TRAPPC9: variants seen among roughly 807,000 people sequenced by gnomAD.
The protein encoded by TRAPPC9 is trafficking protein particle complex subunit 9, also known as IKK2 binding protein.
TRAPPC9 carries 83 observed loss-of-function variants against 124.0 expected under a neutral mutation model. The observed-to-expected ratio is 0.67, with a 90% CI of 0.56 to 0.80. TRAPPC9 has a LOEUF of 0.80. TRAPPC9 is among the 30% of genes least tolerant of loss of function. The pLI is 0.00. For synonymous variants in TRAPPC9, 638 were observed against 617.5 expected (o/e 1.03, Z -0.49); for missense variants, 1,302 against 1,508.3 (o/e 0.86, Z 2.27).
chr8:139,968,684 C>T lies in TRAPPC9; in HGVS notation c.2810+20042G>A, dbSNP rs560655480. 4.8e-4 allele frequency among the ~76,000 whole-genome samples: 73 copies of T among 152,328 alleles called. 1 individual carries two copies. The highest frequency in any genetic ancestry group is 1.6e-3 in the African/African-American group (68 of 41,574). On this transcript the variant is annotated intron_variant, in intron 19 of 22. Coordinates refer to ENST00000438773, the MANE Select transcript of TRAPPC9 (RefSeq NM_001160372.4). ...TCATAAGTGGAGCGACTACCACTTA[C>T]GGATGAGTTGTTAAATACAAGACAG...
At chr8:139,937,903 C>G (rs1279686292) in intron 19 of TRAPPC9, among the ~76,000 whole-genome samples, 1 of 152,132 alleles carries the variant, frequency 6.6e-6, no homozygotes, top group African/African-American at 2.4e-5. Flanking sequence ...TGGCTCAGGA[C>G]GCCGACAGGT....
At chr8:139,759,274 G>T (rs1170812822) in intron 21 of TRAPPC9, among the ~76,000 whole-genome samples, 1 of 152,204 alleles carries the variant, frequency 6.6e-6, no homozygotes, top group Non-Finnish European at 1.5e-5. Context: ...AAAGCCGGAA[G>T]GGGCGGGGAG....
At chr8:140,121,846 T>C (rs1006280934) in intron 17 of TRAPPC9, among the ~76,000 whole-genome samples, 1 of 151,904 alleles carries the variant, frequency 6.6e-6, no homozygotes, top group African/African-American at 2.4e-5. Context: ...AGGGGTCCCA[T>C]GATCCCTACC....
At chr8:140,074,686 G>C (rs374812657) in intron 17 of TRAPPC9, among the ~76,000 whole-genome samples, 1 of 152,198 alleles carries the variant, frequency 6.6e-6, no homozygotes. Context: ...GAGAAGACAA[G>C]CAGGATCAAG....
At chr8:140,029,043 G>A (rs1299502830) in intron 17 of TRAPPC9, among the ~76,000 whole-genome samples, 4 of 152,278 alleles carry the variant, frequency 2.6e-5, no homozygotes, top group Admixed American at 1.3e-4. Context: ...AATGATTATC[G>A]GTACAGATCC....
intron 19 of TRAPPC9, among the ~76,000 whole-genome samples, chr8:139,972,159 A>G (rs569478919): frequency 6.6e-6 from 1 of 152,206 alleles, no homozygotes; most frequent in South Asian, 2.1e-4. Context: ...AGTATAAAGA[A>G]CACACCCTGA....
chr8:140,032,274 C>CT (rs1253597134), intron 17 of TRAPPC9, among the ~76,000 whole-genome samples: 3 of 152,220 alleles, frequency 2.0e-5, no homozygotes, highest in Admixed American at 2.0e-4. Context: ...GCTCCCACCT[C>CT]TGTCACCACG....
intron 21 of TRAPPC9, among the ~76,000 whole-genome samples, chr8:139,767,570 G>A (rs1820665712): frequency 6.6e-6 from 1 of 152,218 alleles, no homozygotes; most frequent in African/African-American, 2.4e-5. Flanking sequence ...AGGGAGAGAA[G>A]ATTCCAGATG....
Position 140,087,257 on chromosome 8 carries a change from C to G in TRAPPC9, c.2557-63178G>C, listed in dbSNP as rs1844248478. 6.6e-6 allele frequency among the ~76,000 whole-genome samples: 1 copy of G among 152,176 alleles called. No homozygotes were observed. The highest frequency in any genetic ancestry group is 6.5e-5 in the Admixed American group (1 of 15,282). On this transcript the variant is annotated intron_variant, in intron 17 of 22. Transcript: ENST00000438773. The surrounding 1 kb of genome is among the most constrained non-coding windows in gnomAD (Gnocchi z 4.6). ...CCTCCTCTGTCTCCCGTGCCCTCCC[C>G]CCGGCCCCATCACCCTGCAGATGTC...
chr8:139,917,623 C>T (rs964697732), intron 19 of TRAPPC9, among the ~76,000 whole-genome samples: 3 of 152,222 alleles, frequency 2.0e-5, no homozygotes, highest in African/African-American at 7.2e-5. Flanking sequence ...GGGCCCACCC[C>T]GCTGCCAAGC....
At chr8:140,410,057 C>T (rs2132454717) in intron 5 of TRAPPC9, among the ~76,000 whole-genome samples, 2 of 143,122 alleles carry the variant, frequency 1.4e-5, no homozygotes, top group South Asian at 4.7e-4. Flanking sequence ...AGGAGGACTG[C>T]TTGAGCCCAG....
At chr8:140,237,044 G>C (rs1193225898) in intron 16 of TRAPPC9, among the ~76,000 whole-genome samples, 1 of 152,094 alleles carries the variant, frequency 6.6e-6, no homozygotes. Context: ...AGCTGAGCGT[G>C]GTGACACACG....
intron 20 of TRAPPC9, chr8:139,904,658 AAG>A (rs1239239958): frequency 6.6e-6 from 1 of 152,228 alleles, no homozygotes; most frequent in Non-Finnish European, 1.5e-5. Flanking sequence ...TATGTTTTGA[AAG>A]GGGTAGGTAC....
chr8:140,251,799 C>G (rs887530014), intron 16 of TRAPPC9, among the ~76,000 whole-genome samples: 1 of 152,174 alleles, frequency 6.6e-6, no homozygotes, highest in African/African-American at 2.4e-5. Flanking sequence ...AGACGCAGCA[C>G]GAAGGTGGCC....
intron 19 of TRAPPC9, among the ~76,000 whole-genome samples, chr8:139,943,587 G>T (rs1834037119): frequency 1.3e-5 from 2 of 152,190 alleles, no homozygotes; most frequent in African/African-American, 4.8e-5. Flanking sequence ...CAATTTGAGA[G>T]AATACAGACG....
intron 19 of TRAPPC9, chr8:139,932,311 A>T (rs753359929): frequency 8.7e-6 from 4 of 457,842 alleles, no homozygotes; most frequent in South Asian, 6.2e-5. Context: ...CACCTCGTGG[A>T]TGTCAGGCTT....
At chr8:139,779,692 A>G (rs574959748) in intron 21 of TRAPPC9, among the ~76,000 whole-genome samples, 1 of 152,272 alleles carries the variant, frequency 6.6e-6, no homozygotes, top group Admixed American at 6.5e-5. Flanking sequence ...CTAAGATAAT[A>G]AAAGAGTTAT....
chr8:140,290,111 A>G (rs754995862), intron 12 of TRAPPC9, among the ~76,000 whole-genome samples: 3 of 152,072 alleles, frequency 2.0e-5, no homozygotes, highest in Admixed American at 6.5e-5. Flanking sequence ...ATGCACCCCA[A>G]CAGAGCCTTG....
In TRAPPC9 at chr8:140,182,192, A is replaced by C. The variant is rs982186608; in HGVS notation, c.2556+39267T>G. 6.6e-6 allele frequency among the ~76,000 whole-genome samples: 1 copy of C among 152,160 alleles called. No individual in the cohort carries two copies. Among genetic ancestry groups the C allele is most frequent in the African/African-American group, 2.4e-5 (1 of 41,438 alleles). ...TTCCTCTTTGCTTCAGGTACCCGGA[A>C]ATCTTGCTTTCCAGTGCATACATTT... On this transcript the variant is annotated intron_variant, in intron 17 of 22. Coordinates refer to ENST00000438773, the MANE Select transcript of TRAPPC9 (RefSeq NM_001160372.4). The surrounding 1 kb of genome is among the most constrained non-coding windows in gnomAD (Gnocchi z 4.0).
Sources: gnomAD v4.1 joint callset for allele counts (sites outside exome capture counted in the v4.1 genomes callset) on GRCh38, gnomAD v4.1.1 for gene constraint, Gnocchi (gnomAD v3.1) non-coding constraint, MANE v1.5 for transcripts, NCBI Gene and HGNC (gene_info 2026-07-23, HGNC 2026-07-21) for gene names.